The following ARL15 variants were observed in gnomAD, a reference collection of about 807,000 sequenced individuals.
The protein encoded by ARL15 is ADP-ribosylation factor-like protein 15.
Under a neutral mutation model 25.2 loss-of-function variants are expected in ARL15, and 19 were observed. The observed-to-expected ratio is 0.75, with a 90% confidence interval of 0.53 to 1.10. ARL15 has a LOEUF of 1.10. Among genes scored for constraint, ARL15 ranks in the 50% least tolerant of loss-of-function variants. The pLI is 0.00. For missense variants in ARL15, 220 were observed against 246.0 expected (o/e 0.89, Z 0.71); for synonymous variants, 94 against 86.8 (o/e 1.08, Z -0.46).
At chr5:53,894,360 T>C (rs2111910525) in intron 4 of ARL15, among the ~76,000 whole-genome samples, 1 of 152,306 alleles carries the variant, frequency 6.6e-6, no homozygotes, top group South Asian at 2.1e-4. Flanking sequence ...AGTCTTCCAA[T>C]GCACGGGAGA....
At chr5:54,181,482 A>G (rs559025105) in intron 1 of ARL15, among the ~76,000 whole-genome samples, 2 of 152,352 alleles carry the variant, frequency 1.3e-5, no homozygotes, top group South Asian at 4.1e-4. Context: ...AAACTAATGC[A>G]TTTTACAGCA....
intron 4 of ARL15, among the ~76,000 whole-genome samples, chr5:53,964,345 C>CTATTT (rs1289191476): frequency 2.0e-5 from 3 of 151,970 alleles, no homozygotes; most frequent in Non-Finnish European, 2.9e-5. Context: ...TATACTGGTT[C>CTATTT]TATTTTATTT....
chr5:54,026,482 C>A (rs1216459730), intron 4 of ARL15, among the ~76,000 whole-genome samples: 3 of 152,110 alleles, frequency 2.0e-5, no homozygotes, highest in African/African-American at 4.8e-5. Context: ...GTTGGCCAGG[C>A]TGGTCTTGAA....
chr5:53,945,527 C>A (rs1746698120), intron 4 of ARL15, among the ~76,000 whole-genome samples: 1 of 147,292 alleles, frequency 6.8e-6, no homozygotes, highest in Admixed American at 6.9e-5. Context: ...GCATTCTCAG[C>A]ACACTGAGAA....
intron 4 of ARL15, among the ~76,000 whole-genome samples, chr5:53,973,601 A>G (rs1206393441): frequency 3.4e-5 from 5 of 148,400 alleles, no homozygotes; most frequent in African/African-American, 1.2e-4. Context: ...AAAAGTAGTC[A>G]GGTGTTGTGC....
At chr5:53,962,558 C>G (rs1218514633) in intron 4 of ARL15, among the ~76,000 whole-genome samples, 4 of 152,106 alleles carry the variant, frequency 2.6e-5, no homozygotes, top group South Asian at 2.1e-4. Context: ...TCTGAATCAG[C>G]TTGTAAAACC....
At chr5:53,963,805 T>TCTCACACACACACA (rs1407291151) in intron 4 of ARL15, among the ~76,000 whole-genome samples, 3 of 143,140 alleles carry the variant, frequency 2.1e-5, no homozygotes, top group African/African-American at 5.3e-5. Flanking sequence ...TGAAACTCCA[T>TCTCACACACACACA]CACACACACA....
At chr5:53,952,802 G>A (rs1244497792) in intron 4 of ARL15, among the ~76,000 whole-genome samples, 1 of 152,174 alleles carries the variant, frequency 6.6e-6, no homozygotes, top group Non-Finnish European at 1.5e-5. Flanking sequence ...ATTTCACAGT[G>A]TCAGGAGAAA....
chr5:54,230,713 C>T lies in ARL15; in HGVS notation c.49-58785G>A, dbSNP rs185005393. 4.6e-3 allele frequency among the ~76,000 whole-genome samples: 705 copies of T among 152,276 alleles called. 4 individuals are homozygous for T. The highest frequency in any genetic ancestry group is 0.02 in the Middle Eastern group (6 of 294). On this transcript the variant is annotated intron_variant, in intron 1 of 4. Coordinates refer to ENST00000504924, the MANE Select transcript of ARL15 (RefSeq NM_019087.3). ...GTCCTCTCCCTCTGTGCGCCCTCAT[C>T]CAGGTTCTCACTCCCTAGGGCCTTT... is the stretch of plus-strand genomic sequence containing the variant.
At chr5:53,900,931 T>A (rs1040944148) in intron 4 of ARL15, among the ~76,000 whole-genome samples, 2 of 152,202 alleles carry the variant, frequency 1.3e-5, no homozygotes, top group Admixed American at 6.5e-5. Context: ...AAGACCCACA[T>A]AGGACACTTA....
intron 1 of ARL15, among the ~76,000 whole-genome samples, chr5:54,209,568 T>G (rs1755976319): frequency 6.6e-6 from 1 of 152,186 alleles, no homozygotes; most frequent in Admixed American, 6.5e-5. Flanking sequence ...GGACTAGAAT[T>G]GAATATCCAT....
intron 3 of ARL15, among the ~76,000 whole-genome samples, chr5:54,119,293 T>C (rs1180396836): frequency 2.0e-5 from 3 of 152,092 alleles, no homozygotes; most frequent in African/African-American, 7.2e-5. Context: ...TTTGAGGAGT[T>C]TTCTCCATTT....
At chr5:54,154,662 TA>T (rs1435177269) in intron 2 of ARL15, 23 bp from the exon 3 acceptor site, 16 of 1,436,684 alleles carry the variant, frequency 1.1e-5, no homozygotes, top group Admixed American at 5.6e-5. Context: ...AACAAAAACA[TA>T]AAAAAAGAAT....
At chr5:54,058,426 G>A (rs979634998) in intron 4 of ARL15, among the ~76,000 whole-genome samples, 9 of 152,076 alleles carry the variant, frequency 5.9e-5, no homozygotes, top group South Asian at 2.1e-4. Flanking sequence ...CTTTATACCC[G>A]CCATTGTTCT....
chr5:54,038,030 G>A (rs558475110), intron 4 of ARL15, among the ~76,000 whole-genome samples: 141 of 152,058 alleles, frequency 9.3e-4, no homozygotes, highest in African/African-American at 3.3e-3. Context: ...TCAACACCTT[G>A]AATTGAAAAT....
intron 4 of ARL15, among the ~76,000 whole-genome samples, chr5:53,966,333 C>CCCTCAT (rs1230808909): frequency 2.0e-4 from 31 of 152,142 alleles, no homozygotes; most frequent in Non-Finnish European, 4.1e-4. Context: ...TGAGACTCCA[C>CCCTCAT]GCCCCTTCCC....
intron 3 of ARL15, among the ~76,000 whole-genome samples, chr5:54,120,478 T>G (rs1163993756): frequency 6.6e-6 from 1 of 152,186 alleles, no homozygotes; most frequent in Non-Finnish European, 1.5e-5. Flanking sequence ...TTATGAACCT[T>G]TATACTGTTC....
At chr5:53,919,495 G>A (rs538607757) in intron 4 of ARL15, among the ~76,000 whole-genome samples, 3 of 152,250 alleles carry the variant, frequency 2.0e-5, no homozygotes, top group Admixed American at 1.3e-4. Flanking sequence ...AAAAAGATCA[G>A]CCTAGTGCTT....
At chr5:53,938,636 G>C (rs2112076924) in intron 4 of ARL15, among the ~76,000 whole-genome samples, 1 of 152,274 alleles carries the variant, frequency 6.6e-6, no homozygotes, top group South Asian at 2.1e-4. Flanking sequence ...GACCAGCCTG[G>C]CCAACATGGC....
Sources: allele counts gnomAD v4.1 joint callset (sites outside exome capture counted in the v4.1 genomes callset), GRCh38; gene constraint gnomAD v4.1.1; transcripts MANE v1.5; gene names NCBI Gene and HGNC (gene_info 2026-07-23, HGNC 2026-07-21).